ROBO1: variants seen among roughly 807,000 people sequenced by gnomAD.
ROBO1 encodes the protein roundabout homolog 1.
A neutral mutation model predicts 195.9 loss-of-function variants in ROBO1; 149 were observed. The observed-to-expected ratio is 0.76, with a 90% CI of 0.67 to 0.87. ROBO1 has a LOEUF of 0.87. ROBO1 is among the 40% of genes least tolerant of loss of function. The pLI is 0.00. For synonymous variants in ROBO1, 816 were observed against 733.2 expected (o/e 1.11, Z -1.82); for missense variants, 1,933 against 2,068.3 (o/e 0.93, Z 1.27).
chr3:79,052,570 G>A (rs369657553), intron 3 of ROBO1, among the ~76,000 whole-genome samples: 2 of 152,044 alleles, frequency 1.3e-5, no homozygotes, highest in African/African-American at 4.8e-5. Context: ...GAAACTTGCT[G>A]GTTTTGCAGC....
At chr3:79,207,786 G>GA (rs34624794) in intron 2 of ROBO1, among the ~76,000 whole-genome samples, 5,032 of 116,580 alleles carry the variant, frequency 0.043, 150 homozygotes, top group African/African-American at 0.091. Context: ...CTTTAAAACT[G>GA]AAAAAAAAAA....
chr3:79,208,205 T>C (rs1459191606), intron 2 of ROBO1, among the ~76,000 whole-genome samples: 1 of 152,170 alleles, frequency 6.6e-6, no homozygotes, highest in African/African-American at 2.4e-5. Context: ...CATGACTAGG[T>C]TACGTGTCCT....
intron 5 of ROBO1, among the ~76,000 whole-genome samples, chr3:78,740,703 C>T (rs1450666120): frequency 6.6e-6 from 1 of 151,880 alleles, no homozygotes; most frequent in East Asian, 1.9e-4. Context: ...TGAACTCTGA[C>T]CTCAGGTGAT....
intron 2 of ROBO1, among the ~76,000 whole-genome samples, chr3:79,126,786 C>G (rs1397053424): frequency 6.6e-6 from 1 of 152,092 alleles, no homozygotes; most frequent in African/African-American, 2.4e-5. Flanking sequence ...AGAAACATCA[C>G]AGAGGTCATT....
chr3:79,094,730 C>T (rs917903241), intron 3 of ROBO1, among the ~76,000 whole-genome samples: 5 of 151,982 alleles, frequency 3.3e-5, no homozygotes, highest in African/African-American at 1.2e-4. Flanking sequence ...ACTATGAAAA[C>T]TCTGACTTTT....
At chr3:79,167,049 C>A (rs879903534) in intron 2 of ROBO1, among the ~76,000 whole-genome samples, 1 of 151,980 alleles carries the variant, frequency 6.6e-6, no homozygotes, top group Admixed American at 6.6e-5. Flanking sequence ...TCTGGCTACT[C>A]AATTTCAAAT....
intron 4 of ROBO1, among the ~76,000 whole-genome samples, chr3:78,754,411 A>T (rs1468946362): frequency 6.6e-6 from 1 of 152,228 alleles, no homozygotes; most frequent in African/African-American, 2.4e-5. Context: ...ACAAGCATGC[A>T]TTCTTTCTTT....
intron 1 of ROBO1, among the ~76,000 whole-genome samples, chr3:79,679,690 A>AATCAGTGT (rs1168034729): frequency 6.6e-6 from 1 of 152,044 alleles, no homozygotes; most frequent in Non-Finnish European, 1.5e-5. Flanking sequence ...TGCAGCCCTG[A>AATCAGTGT]ATCAGTGTAG....
At chr3:79,122,232 C>T (rs994601115) in intron 3 of ROBO1, among the ~76,000 whole-genome samples, 3 of 151,996 alleles carry the variant, frequency 2.0e-5, no homozygotes, top group African/African-American at 7.2e-5. Context: ...TGTTAAATAA[C>T]CCCCAATATT....
chr3:79,665,211 A>G (rs1946441550), intron 1 of ROBO1, among the ~76,000 whole-genome samples: 1 of 151,924 alleles, frequency 6.6e-6, no homozygotes, highest in Non-Finnish European at 1.5e-5. Flanking sequence ...TACATCTGGG[A>G]GAGCTGTGTA....
chr3:79,310,332 C>T (rs778154662), intron 2 of ROBO1, among the ~76,000 whole-genome samples: 2 of 152,104 alleles, frequency 1.3e-5, no homozygotes, highest in Non-Finnish European at 2.9e-5. Context: ...AGAAAGTGTG[C>T]GCCCTCACCT....
At chr3:78,905,355 G>T (rs1289406927) in intron 4 of ROBO1, among the ~76,000 whole-genome samples, 1 of 152,102 alleles carries the variant, frequency 6.6e-6, no homozygotes, top group Non-Finnish European at 1.5e-5. Flanking sequence ...TCTGCTGATG[G>T]GATTGGGTGC....
At chr3:79,590,721 G>T (rs539155108) in intron 1 of ROBO1, among the ~76,000 whole-genome samples, 2 of 151,678 alleles carry the variant, frequency 1.3e-5, no homozygotes, top group Admixed American at 6.6e-5. Flanking sequence ...ATACTATTTA[G>T]AGATAACCAT....
At chr3:79,326,550 T>A (rs906567378) in intron 2 of ROBO1, among the ~76,000 whole-genome samples, 14 of 152,192 alleles carry the variant, frequency 9.2e-5, no homozygotes, top group African/African-American at 3.4e-4. Context: ...TTTAAACGTT[T>A]GAAAGGTAAG....
At chr3:78,635,676 A>T in intron 23 of ROBO1, 97 bp downstream of exon 23, 2 of 1,089,258 alleles carry the variant, frequency 1.8e-6, no homozygotes, top group South Asian at 3.6e-5. Context: ...ACAGAAGAAA[A>T]GATTTTACTT....
At chr3:79,150,991 G>A (rs2080757945) in intron 2 of ROBO1, among the ~76,000 whole-genome samples, 1 of 151,742 alleles carries the variant, frequency 6.6e-6, no homozygotes, top group Non-Finnish European at 1.5e-5. Flanking sequence ...GGCAGGGCCA[G>A]GTGGAGATAA....
At chr3:79,166,670 A>G (rs899996136) in intron 2 of ROBO1, among the ~76,000 whole-genome samples, 2 of 149,754 alleles carry the variant, frequency 1.3e-5, no homozygotes, top group Admixed American at 6.7e-5. Flanking sequence ...GGTTCGCGCC[A>G]TTCTCCTGCC....
intron 2 of ROBO1, among the ~76,000 whole-genome samples, chr3:79,389,362 T>C (rs2036866832): frequency 6.6e-6 from 1 of 152,008 alleles, no homozygotes; most frequent in Non-Finnish European, 1.5e-5. Flanking sequence ...ACTTGGTAGG[T>C]TTCTTGTTGT....
At chr3:78,719,256 T>C (rs2081983807) in intron 5 of ROBO1, among the ~76,000 whole-genome samples, 1 of 152,132 alleles carries the variant, frequency 6.6e-6, no homozygotes, top group Admixed American at 6.5e-5. Context: ...AATACTGTTG[T>C]TGAACGTAAA....
Sources: allele counts gnomAD v4.1 joint callset (sites outside exome capture counted in the v4.1 genomes callset), GRCh38; gene constraint gnomAD v4.1.1; transcripts MANE v1.5; gene names NCBI Gene and HGNC (gene_info 2026-07-23, HGNC 2026-07-21).